GSK3B: variants seen among roughly 807,000 people sequenced by gnomAD.
The protein encoded by GSK3B is glycogen synthase kinase-3 beta.
A neutral mutation model predicts 56.4 loss-of-function variants in GSK3B; 15 were observed. The ratio of observed to expected loss-of-function variants is 0.27; its 90% confidence interval spans 0.18 to 0.41. The LOEUF (loss-of-function observed/expected upper bound fraction) is 0.41, where lower values mean the gene tolerates loss of function less well. GSK3B is among the 10% of genes least tolerant of loss of function. The pLI is 1.00. For missense variants in GSK3B, 300 were observed against 513.4 expected, an observed-to-expected ratio of 0.58 and a Z score of 4.02; for synonymous variants, 181 against 188.9, an observed-to-expected ratio of 0.96 and a Z score of 0.34.
chr3:120,077,838 TCTTCCTTTA>T (rs141411516), intron 1 of GSK3B, among the ~76,000 whole-genome samples: 3,920 of 152,232 alleles, frequency 0.026, 171 homozygotes, highest in African/African-American at 0.088. Flanking sequence ...CAAAAAATTT[TCTTCCTTTA>T]CTTCAAGTCT....
intron 1 of GSK3B, among the ~76,000 whole-genome samples, chr3:120,073,964 A>T (rs2058348203): frequency 6.6e-6 from 1 of 152,202 alleles, no homozygotes; most frequent in South Asian, 2.1e-4. Flanking sequence ...TCCAAAATAC[A>T]CAAAATGAGA....
intron 1 of GSK3B, among the ~76,000 whole-genome samples, chr3:120,091,198 G>A (rs766830317): frequency 6.6e-6 from 1 of 152,014 alleles, no homozygotes; most frequent in Non-Finnish European, 1.5e-5. Context: ...ACAACTAAAG[G>A]ATAAGCTTTT....
intron 2 of GSK3B, among the ~76,000 whole-genome samples, chr3:119,967,912 G>A (rs1331851158): frequency 6.7e-6 from 1 of 150,100 alleles, no homozygotes; most frequent in Admixed American, 6.7e-5. Flanking sequence ...CTGGAGTGCA[G>A]TGGCACAATC....
chr3:119,949,722 A>T (rs1218642290), intron 2 of GSK3B, among the ~76,000 whole-genome samples: 1 of 147,488 alleles, frequency 6.8e-6, no homozygotes, highest in Non-Finnish European at 1.5e-5. Flanking sequence ...TATCATTTGA[A>T]CCCAGGAGGT....
At chr3:119,843,208 C>G (rs1559804430) in intron 10 of GSK3B, 47 bp downstream of exon 10, 1 of 1,261,880 alleles carries the variant, frequency 7.9e-7, no homozygotes, top group East Asian at 2.5e-5. Flanking sequence ...AGCCATCATG[C>G]CCAGCCCAGA....
intron 2 of GSK3B, among the ~76,000 whole-genome samples, chr3:119,967,888 C>T (rs541045789): frequency 1.3e-4 from 20 of 150,950 alleles, no homozygotes; most frequent in African/African-American, 3.9e-4. Context: ...GAAAGAGTCT[C>T]GCTCTCACCC....
At chr3:120,036,174 A>G (rs914767286) in intron 1 of GSK3B, among the ~76,000 whole-genome samples, 35 of 152,346 alleles carry the variant, frequency 2.3e-4, no homozygotes, top group African/African-American at 8.4e-4. Context: ...TATCATGAAT[A>G]GAATGTACTT....
chr3:120,001,540 T>C (rs571542871), intron 2 of GSK3B, among the ~76,000 whole-genome samples: 1 of 152,300 alleles, frequency 6.6e-6, no homozygotes, highest in East Asian at 1.9e-4. Context: ...CCTGTACAGT[T>C]TGCAGAATTG....
chr3:119,848,581 C>CA (rs1290009693), intron 9 of GSK3B, among the ~76,000 whole-genome samples: 3 of 152,218 alleles, frequency 2.0e-5, no homozygotes, highest in African/African-American at 7.2e-5. Flanking sequence ...AACTCGCAAG[C>CA]AGTCACTCTA....
intron 7 of GSK3B, among the ~76,000 whole-genome samples, chr3:119,895,304 A>G (rs2056549874): frequency 6.6e-6 from 1 of 152,134 alleles, no homozygotes. Flanking sequence ...GGATATATAT[A>G]TACCATATTT....
chr3:119,897,308 T>C (rs942711716), intron 7 of GSK3B, among the ~76,000 whole-genome samples: 2 of 152,162 alleles, frequency 1.3e-5, no homozygotes, highest in African/African-American at 4.8e-5. Context: ...TTAGTTAAAA[T>C]TAATGTTTCT....
chr3:119,861,092 C>A (rs1165452817), intron 9 of GSK3B, among the ~76,000 whole-genome samples: 1 of 152,168 alleles, frequency 6.6e-6, no homozygotes, highest in Non-Finnish European at 1.5e-5. Context: ...ACTAGTCATC[C>A]ACATACTAAC....
intron 6 of GSK3B, among the ~76,000 whole-genome samples, chr3:119,910,408 C>G (rs2056723911): frequency 6.6e-6 from 1 of 152,044 alleles, no homozygotes. Context: ...ATACTGTAGT[C>G]TATTACTTGT....
At chr3:120,079,550 G>A (rs552506371) in intron 1 of GSK3B, among the ~76,000 whole-genome samples, 13 of 151,714 alleles carry the variant, frequency 8.6e-5, no homozygotes, top group Non-Finnish European at 1.5e-4. Context: ...ACCTGCCACC[G>A]TACCCGGCTA....
intron 7 of GSK3B, among the ~76,000 whole-genome samples, chr3:119,883,184 A>T (rs1161011004): frequency 6.6e-6 from 1 of 152,114 alleles, no homozygotes; most frequent in African/African-American, 2.4e-5. Flanking sequence ...TGTATTTTAA[A>T]TCTTAACACC....
At chr3:120,026,216 TA>T (rs1051500601) in intron 1 of GSK3B, among the ~76,000 whole-genome samples, 3 of 152,164 alleles carry the variant, frequency 2.0e-5, no homozygotes. Flanking sequence ...CACGATTTTC[TA>T]AAAGTCTTAA....
chr3:119,900,416 T>C (rs1445994354), intron 7 of GSK3B, among the ~76,000 whole-genome samples: 1 of 152,130 alleles, frequency 6.6e-6, no homozygotes, highest in African/African-American at 2.4e-5. Context: ...ATTCTACAAA[T>C]GGTTGGTTTA....
chr3:119,920,767 A>G (rs903243719), intron 4 of GSK3B, among the ~76,000 whole-genome samples: 2 of 152,238 alleles, frequency 1.3e-5, no homozygotes, highest in Non-Finnish European at 2.9e-5. Context: ...AAATACAAAT[A>G]TAAGATTATT....
intron 3 of GSK3B, among the ~76,000 whole-genome samples, chr3:119,944,747 C>T (rs2057083891): frequency 6.6e-6 from 1 of 152,088 alleles, no homozygotes; most frequent in African/African-American, 2.4e-5. Flanking sequence ...GTGTCATAAG[C>T]ATCTCAAATG....
Sources: gnomAD v4.1 joint callset for allele counts (sites outside exome capture counted in the v4.1 genomes callset) on GRCh38, gnomAD v4.1.1 for gene constraint, MANE v1.5 for transcripts, NCBI Gene and HGNC (gene_info 2026-07-23, HGNC 2026-07-21) for gene names.